Variants in NHSL1 observed in about 807,000 individuals in gnomAD.
NHSL1 encodes the protein NHS like 1.
Under a neutral mutation model 95.0 loss-of-function variants are expected in NHSL1, and 48 were observed. The ratio of observed to expected loss-of-function variants is 0.51; its 90% confidence interval spans 0.40 to 0.64. NHSL1 has a LOEUF of 0.64. NHSL1 is among the 30% of genes least tolerant of loss of function. The pLI, the probability that NHSL1 is intolerant of heterozygous loss-of-function variation, is 0.00. For missense variants in NHSL1, 1,971 were observed against 2,077.7 expected, an observed-to-expected ratio of 0.95 and a Z score of 1.00; for synonymous variants, 783 against 833.9, an observed-to-expected ratio of 0.94 and a Z score of 1.05.
At chr6:138,546,427 C>CAAAAAAAAAAAAAAAAAAAAA (rs1177720465), upstream of NHSL1, among the ~76,000 whole-genome samples, 7 of 50,950 alleles carry the variant, frequency 1.4e-4, no homozygotes, top group African/African-American at 4.4e-4. Context: ...CCCATCTCTA[C>CAAAAAAAAAAAAAAAAAAAAA]AAAAAAAAAA....
intron 3 of NHSL1, among the ~76,000 whole-genome samples, chr6:138,467,009 G>A (rs1016988719): frequency 3.9e-5 from 6 of 151,918 alleles, no homozygotes; most frequent in African/African-American, 1.2e-4. Flanking sequence ...TGCGTGACAA[G>A]AGTGAAACTC....
At chr6:138,628,111 G>A (rs1425692304) in intron 1 of NHSL1, among the ~76,000 whole-genome samples, 14 of 151,120 alleles carry the variant, frequency 9.3e-5, no homozygotes, top group Admixed American at 5.9e-4. Context: ...TTGGGAGTTC[G>A]AGACCAGCCT....
chr6:138,605,258 C>T (rs986527344), intron 1 of NHSL1, among the ~76,000 whole-genome samples: 13 of 152,128 alleles, frequency 8.5e-5, no homozygotes, highest in African/African-American at 2.7e-4. Context: ...CAGGGTTTTG[C>T]TCTGTTGCCT....
intron 1 of NHSL1, among the ~76,000 whole-genome samples, chr6:138,642,627 T>C (rs1489696515): frequency 6.6e-6 from 1 of 152,192 alleles, no homozygotes; most frequent in African/African-American, 2.4e-5. Flanking sequence ...TTGGCTTTTT[T>C]GTTTGTTTCA....
At chr6:138,474,574 G>A (rs893435575) in intron 2 of NHSL1, among the ~76,000 whole-genome samples, 1 of 152,090 alleles carries the variant, frequency 6.6e-6, no homozygotes, top group Non-Finnish European at 1.5e-5. Context: ...ACAAAAATGA[G>A]GATCTGTTAG....
intron 1 of NHSL1, among the ~76,000 whole-genome samples, chr6:138,600,231 T>C (rs1784354482): frequency 6.6e-6 from 1 of 152,172 alleles, no homozygotes; most frequent in African/African-American, 2.4e-5. Flanking sequence ...TGTTCTTTTA[T>C]TTTCTTTTTC....
chr6:138,470,725 A>T (rs924715476), intron 3 of NHSL1: 10 of 152,222 alleles, frequency 6.6e-5, no homozygotes, highest in African/African-American at 2.4e-4. Context: ...TGTAACTTGG[A>T]GAGGGTTGGG....
intron 1 of NHSL1, among the ~76,000 whole-genome samples, chr6:138,684,435 C>G (rs113717395): frequency 6.6e-6 from 1 of 152,104 alleles, no homozygotes; most frequent in South Asian, 2.1e-4. Flanking sequence ...ATCACAAGGT[C>G]AGGAGTTCAA....
chr6:138,621,156 C>T (rs1318557150), intron 1 of NHSL1, among the ~76,000 whole-genome samples: 2 of 152,168 alleles, frequency 1.3e-5, no homozygotes, highest in Admixed American at 6.5e-5. Context: ...AACCTGAAGA[C>T]GGAATCCTGA....
chr6:138,456,440 A>G (rs563306207), intron 3 of NHSL1, among the ~76,000 whole-genome samples: 1 of 152,338 alleles, frequency 6.6e-6, no homozygotes, highest in South Asian at 2.1e-4. Context: ...CTAAAACAGA[A>G]GCTGACATGC....
intron 1 of NHSL1, among the ~76,000 whole-genome samples, chr6:138,619,749 A>C (rs1323522134): frequency 6.6e-6 from 1 of 152,122 alleles, no homozygotes; most frequent in Non-Finnish European, 1.5e-5. Context: ...AGAGATCGAG[A>C]CCATCCTGGC....
intron 1 of NHSL1, among the ~76,000 whole-genome samples, chr6:138,629,203 TATCTGCTGCTTTCCC>T (rs1784783909): frequency 6.6e-6 from 1 of 152,124 alleles, no homozygotes; most frequent in South Asian, 2.1e-4. Context: ...GAGACAATGG[TATCTGCTGCTTTCCC>T]ATCAGCTCTT....
At chr6:138,537,064 A>G (rs1332487622) in intron 1 of NHSL1, among the ~76,000 whole-genome samples, 1 of 152,230 alleles carries the variant, frequency 6.6e-6, no homozygotes, top group Non-Finnish European at 1.5e-5. Flanking sequence ...CCACCCATAG[A>G]TTTCTCTCTT....
intron 1 of NHSL1, chr6:138,571,672 C>A: frequency 6.5e-7 from 1 of 1,542,134 alleles, no homozygotes; most frequent in Non-Finnish European, 8.8e-7. Flanking sequence ...ACATAACAAA[C>A]TTTTTCAAAT....
rs533161669 is a variant in NHSL1, at chr6:138,431,668, T to C, written c.2677A>G (p.Ile893Val). 14 of 1,551,454 alleles carry C rather than the reference T, an allele frequency of 9.0e-6. No individual in the cohort carries two copies. In the Admixed American group the frequency reaches 2.5e-4, roughly 28 times the overall value. The stretch of plus-strand genomic sequence containing the variant: ...GATGAGGAAATGGATACTGAAGATA[T>C]CAGAGAGGACTTCCTTTCTGGTACC... ...PKVPERKSSLISSVSISSSST... is the reference protein window; with the variant it reads ...PKVPERKSSLVSSVSISSSST... The change falls in exon 6 of 8, where the codon ATA becomes GTA. Residue 893 changes from isoleucine to valine, a missense_variant. Ile to Val is a conservative substitution (Grantham distance 29). Coordinates refer to ENST00000343505, the MANE Select transcript of NHSL1 (RefSeq NM_001144060.2). The surrounding 1 kb of genome is among the most constrained non-coding windows in gnomAD (Gnocchi z 4.0).
At chr6:138,550,537 C>T (rs968262795), upstream of NHSL1, among the ~76,000 whole-genome samples, 6 of 152,172 alleles carry the variant, frequency 3.9e-5, no homozygotes, top group African/African-American at 1.2e-4. Context: ...CACTTCTCTC[C>T]CTTGTAGGAT....
At chr6:138,473,650 T>C (rs1778891405) in intron 2 of NHSL1, among the ~76,000 whole-genome samples, 1 of 152,174 alleles carries the variant, frequency 6.6e-6, no homozygotes, top group South Asian at 2.1e-4. Flanking sequence ...ATATTAATAC[T>C]TGATAAGATT....
chr6:138,614,857 T>C (rs1453316146), intron 1 of NHSL1, among the ~76,000 whole-genome samples: 4 of 152,186 alleles, frequency 2.6e-5, no homozygotes, highest in Non-Finnish European at 5.9e-5. Context: ...TGAATGCTTC[T>C]TATGAGAATC....
At chr6:138,606,946 G>A (rs868032435) in intron 1 of NHSL1, among the ~76,000 whole-genome samples, 7 of 151,754 alleles carry the variant, frequency 4.6e-5, no homozygotes, top group Non-Finnish European at 7.4e-5. Context: ...CTCATGATCC[G>A]CCTGCCTCAG....
Sources: allele counts gnomAD v4.1 joint callset (sites outside exome capture counted in the v4.1 genomes callset), GRCh38; gene constraint gnomAD v4.1.1; non-coding constraint Gnocchi (gnomAD v3.1); transcripts MANE v1.5; gene names NCBI Gene and HGNC (gene_info 2026-07-23, HGNC 2026-07-21).